The following ARHGEF7 variants were observed in gnomAD, a reference collection of about 807,000 sequenced individuals.
ARHGEF7 encodes the protein Rho guanine nucleotide exchange factor 7.
In ARHGEF7, 33 loss-of-function variants were observed where a neutral mutation model predicts 109.8. The observed-to-expected ratio is 0.30, with a 90% confidence interval of 0.23 to 0.40. The LOEUF (loss-of-function observed/expected upper bound fraction) is 0.40, where lower values mean the gene tolerates loss of function less well. ARHGEF7 is among the 10% of genes least tolerant of loss of function. The pLI is 1.00. For missense variants in ARHGEF7, 938 were observed against 1,098.5 expected (o/e 0.85, Z 2.07); for synonymous variants, 458 against 424.6 (o/e 1.08, Z -0.97).
At chr13:111,274,417 C>T (rs2092360251) in intron 10 of ARHGEF7, among the ~76,000 whole-genome samples, 1 of 152,210 alleles carries the variant, frequency 6.6e-6, no homozygotes. Context: ...GTAGGGTCTT[C>T]TTCACGGCTA....
intron 9 of ARHGEF7, among the ~76,000 whole-genome samples, chr13:111,269,472 C>T (rs1212026362): frequency 6.6e-6 from 1 of 152,156 alleles, no homozygotes; most frequent in Non-Finnish European, 1.5e-5. Context: ...CTGTTATTAC[C>T]TTAATGAGTG....
At chr13:111,300,131 G>A (rs1161605297) in intron 19 of ARHGEF7, among the ~76,000 whole-genome samples, 1 of 152,118 alleles carries the variant, frequency 6.6e-6, no homozygotes, top group East Asian at 1.9e-4. Flanking sequence ...TCCCATATAA[G>A]CTCTTGTGTA....
chr13:111,130,341 T>C (rs894718382), intron 1 of ARHGEF7, among the ~76,000 whole-genome samples: 2 of 152,216 alleles, frequency 1.3e-5, no homozygotes, highest in Non-Finnish European at 2.9e-5. Context: ...GTTTATTGCA[T>C]GTCAGTGATA....
chr13:111,294,775 T>C (rs951002674), intron 19 of ARHGEF7: 1 of 985,732 alleles, frequency 1.0e-6, no homozygotes, highest in Non-Finnish European at 1.2e-6. Context: ...TATTTATTTG[T>C]ACAGTTAGTA....
In ARHGEF7 at chr13:111,189,942, A is replaced by G. The variant is rs143502002; in HGVS notation, c.253-15347A>G. On this transcript the variant is annotated intron_variant, in intron 2 of 21. Transcript: ENST00000646102. ...GAAGCCCAGCTGGCTTCACCTCTCA[A>G]TCCGCCCTCTAAATAGGAGACTCCA... Among the ~76,000 whole-genome samples the G allele has an allele frequency of 2.9e-3, 444 of 152,282 alleles. 2 individuals carry two copies. Among genetic ancestry groups the G allele is most frequent in the African/African-American group, 0.01 (432 of 41,562 alleles).
chr13:111,156,628 G>T (rs1344579446), intron 2 of ARHGEF7, among the ~76,000 whole-genome samples: 1 of 152,252 alleles, frequency 6.6e-6, no homozygotes, highest in East Asian at 1.9e-4. Context: ...GGACAGGGCT[G>T]GGCCCTGAAG....
At chr13:111,183,340 C>T (rs2078946318) in intron 2 of ARHGEF7, among the ~76,000 whole-genome samples, 1 of 149,310 alleles carries the variant, frequency 6.7e-6, no homozygotes, top group Non-Finnish European at 1.5e-5. Flanking sequence ...GGAGTATTGG[C>T]ACCTTTTTTT....
chr13:111,127,125 T>C (rs1237735379), intron 1 of ARHGEF7, among the ~76,000 whole-genome samples: 1 of 152,218 alleles, frequency 6.6e-6, no homozygotes, highest in South Asian at 2.1e-4. Context: ...TAAGTGGATA[T>C]GAAAACATTG....
At chr13:111,236,031 G>T (rs1465597145) in intron 6 of ARHGEF7, among the ~76,000 whole-genome samples, 1 of 152,154 alleles carries the variant, frequency 6.6e-6, no homozygotes, top group Admixed American at 6.5e-5. Flanking sequence ...GGTATGAATG[G>T]GATGGATATG....
chr13:111,153,858 T>A (rs2076069347), intron 1 of ARHGEF7, 47 bp from the exon 2 acceptor site: 1 of 1,575,010 alleles, frequency 6.3e-7, no homozygotes, highest in East Asian at 2.5e-5. Flanking sequence ...GTCCGCGGCG[T>A]CCCCGCTGCC....
Position 111,258,431 on chromosome 13 carries a change from A to AT in ARHGEF7, c.951-9116dup, listed in dbSNP as rs2090699093. Among the ~76,000 whole-genome samples the AT allele has an allele frequency of 2.0e-5, 3 of 152,354 alleles. 1 individual carries two copies. Among genetic ancestry groups the AT allele is most frequent in the African/African-American group, 7.2e-5 (3 of 41,592 alleles). ...CAGCTCAGCCACAGCAGGATAGAGC[A>AT]TCAGGCAGAACCCTGAGGCTCCCGG... On this transcript the variant is annotated intron_variant, in intron 8 of 21. Coordinates refer to ENST00000646102, the MANE Select transcript of ARHGEF7 (RefSeq NM_001354046.2). The surrounding 1 kb of genome is among the most constrained non-coding windows in gnomAD (Gnocchi z 4.4).
chr13:111,167,359 A>G (rs548689057), intron 2 of ARHGEF7, among the ~76,000 whole-genome samples: 1 of 152,340 alleles, frequency 6.6e-6, no homozygotes, highest in East Asian at 1.9e-4. Context: ...TAGAGCCTCA[A>G]AAGGAAACAC....
At chr13:111,287,890 G>A (rs993669786) in intron 17 of ARHGEF7, among the ~76,000 whole-genome samples, 16 of 151,338 alleles carry the variant, frequency 1.1e-4, no homozygotes, top group Non-Finnish European at 1.8e-4. Flanking sequence ...AGACAGGCAC[G>A]GATGGCCACG....
At chr13:111,174,375 A>G (rs940324503) in intron 2 of ARHGEF7, among the ~76,000 whole-genome samples, 1 of 152,132 alleles carries the variant, frequency 6.6e-6, no homozygotes, top group African/African-American at 2.4e-5. Flanking sequence ...ATGTCTTCCG[A>G]ATTCTTCAAG....
chr13:111,179,139 T>C (rs1027631495), intron 2 of ARHGEF7, among the ~76,000 whole-genome samples: 47 of 151,882 alleles, frequency 3.1e-4, no homozygotes, highest in African/African-American at 1.1e-3. Context: ...AGTGCAGTAG[T>C]GCAACCTCAA....
chr13:111,288,844 T>C (rs1293270990), intron 18 of ARHGEF7, among the ~76,000 whole-genome samples: 1 of 152,218 alleles, frequency 6.6e-6, no homozygotes, highest in African/African-American at 2.4e-5. Flanking sequence ...TATTATTTTT[T>C]AGTTTCTTAG....
chr13:111,135,688 A>AT (rs965442167), intron 1 of ARHGEF7, among the ~76,000 whole-genome samples: 21 of 152,256 alleles, frequency 1.4e-4, no homozygotes, highest in African/African-American at 5.1e-4. Flanking sequence ...GCTTAAGGAG[A>AT]TTTTGGGCTG....
chr13:111,232,604 C>T (rs1025783613), intron 5 of ARHGEF7, among the ~76,000 whole-genome samples: 72 of 152,288 alleles, frequency 4.7e-4, no homozygotes, highest in African/African-American at 1.7e-3. Context: ...TTTAAAACAT[C>T]AGAATCCTTG....
intron 1 of ARHGEF7, among the ~76,000 whole-genome samples, chr13:111,130,400 T>C (rs2153341485): frequency 6.6e-6 from 1 of 152,344 alleles, no homozygotes; most frequent in Middle Eastern, 3.4e-3. Context: ...ATTACGTTTT[T>C]GTTGAGTGTA....
Sources: allele counts gnomAD v4.1 joint callset (sites outside exome capture counted in the v4.1 genomes callset), GRCh38; gene constraint gnomAD v4.1.1; non-coding constraint Gnocchi (gnomAD v3.1); transcripts MANE v1.5; gene names NCBI Gene and HGNC (gene_info 2026-07-23, HGNC 2026-07-21).